ZZZ3: variants seen among roughly 807,000 people sequenced by gnomAD.
The protein encoded by ZZZ3 is zinc finger ZZ-type containing 3, also known as ZZ-type zinc finger-containing protein 3.
A neutral mutation model predicts 95.2 loss-of-function variants in ZZZ3; 22 were observed. That is an observed-to-expected ratio of 0.23 (90% CI 0.17 to 0.33). ZZZ3 has a LOEUF of 0.33. ZZZ3 is among the 10% of genes least tolerant of loss of function. The pLI, the probability that ZZZ3 is intolerant of heterozygous loss-of-function variation, is 1.00. For missense variants in ZZZ3, 885 were observed against 1,066.5 expected (o/e 0.83, Z 2.37); for synonymous variants, 335 against 358.9 (o/e 0.93, Z 0.75).
chr1:77,596,356 A>G (rs1367252238), intron 5 of ZZZ3, among the ~76,000 whole-genome samples: 1 of 152,122 alleles, frequency 6.6e-6, no homozygotes, highest in Non-Finnish European at 1.5e-5. Context: ...TAGAAGTTCA[A>G]TGGGGTTGGA....
At chr1:77,657,193 A>T (rs868347436) in intron 1 of ZZZ3, among the ~76,000 whole-genome samples, 14 of 152,148 alleles carry the variant, frequency 9.2e-5, no homozygotes, top group South Asian at 8.3e-4. Flanking sequence ...TGTTGGCCAG[A>T]CTGGTTTCTA....
chr1:77,663,144 T>C (rs1310978457), intron 1 of ZZZ3, among the ~76,000 whole-genome samples: 1 of 151,932 alleles, frequency 6.6e-6, no homozygotes, highest in Non-Finnish European at 1.5e-5. Context: ...GACTAACTGT[T>C]CCAGATTAAA....
chr1:77,617,898 T>C (rs559850140), intron 5 of ZZZ3, among the ~76,000 whole-genome samples: 38 of 152,050 alleles, frequency 2.5e-4, no homozygotes, highest in African/African-American at 8.7e-4. Flanking sequence ...TGAAACAAGA[T>C]TGCACCACTG....
At chr1:77,600,187 C>T (rs1301533379) in intron 5 of ZZZ3, among the ~76,000 whole-genome samples, 5 of 151,866 alleles carry the variant, frequency 3.3e-5, no homozygotes, top group Non-Finnish European at 7.4e-5. Flanking sequence ...GTTTATTTGG[C>T]TTAAAACTGT....
chr1:77,588,703 T>C (rs1319208157), intron 5 of ZZZ3, among the ~76,000 whole-genome samples: 1 of 151,390 alleles, frequency 6.6e-6, no homozygotes, highest in Admixed American at 6.6e-5. Context: ...AGCAAGAGAA[T>C]AGAATAACTC....
At chr1:77,566,964 A>G (rs1324506343) in intron 13 of ZZZ3, among the ~76,000 whole-genome samples, 1 of 152,204 alleles carries the variant, frequency 6.6e-6, no homozygotes, top group Non-Finnish European at 1.5e-5. Flanking sequence ...AAGTGAAGCA[A>G]GTTTTTCTGA....
At chr1:77,681,899 CAAA>C (rs61661880) in intron 1 of ZZZ3, among the ~76,000 whole-genome samples, 4 of 94,736 alleles carry the variant, frequency 4.2e-5, no homozygotes, top group Admixed American at 1.2e-4. Context: ...GACTCCGTCT[CAAA>C]AAAAAAAAAA....
At chr1:77,629,584 C>T (rs917898916) in intron 5 of ZZZ3, among the ~76,000 whole-genome samples, 1 of 152,136 alleles carries the variant, frequency 6.6e-6, no homozygotes. Flanking sequence ...CACGACTGTG[C>T]CACTGCACTC....
At chr1:77,662,016 T>C (rs1186944239) in intron 1 of ZZZ3, among the ~76,000 whole-genome samples, 2 of 148,544 alleles carry the variant, frequency 1.3e-5, no homozygotes, top group African/African-American at 5.0e-5. Flanking sequence ...TTCTGTACCA[T>C]TGTTTTTGTT....
intron 5 of ZZZ3, among the ~76,000 whole-genome samples, chr1:77,629,975 C>T (rs1229786311): frequency 3.9e-5 from 6 of 152,006 alleles, no homozygotes; most frequent in Non-Finnish European, 7.4e-5. Context: ...TATTATCGGG[C>T]AATCTCTTAC....
chr1:77,644,669 A>G (rs1669096614), intron 1 of ZZZ3, among the ~76,000 whole-genome samples: 1 of 152,220 alleles, frequency 6.6e-6, no homozygotes, highest in Non-Finnish European at 1.5e-5. Context: ...AATGAAACAC[A>G]TAATACCTGC....
chr1:77,594,677 A>T (rs949547145), intron 5 of ZZZ3, among the ~76,000 whole-genome samples: 4 of 151,996 alleles, frequency 2.6e-5, no homozygotes, highest in African/African-American at 9.7e-5. Context: ...ACAAGCCTCA[A>T]TTCTTTTCAA....
chr1:77,641,740 C>T (rs567800912), intron 1 of ZZZ3, 85 bp from the exon 2 acceptor site: 50 of 392,488 alleles, frequency 1.3e-4, no homozygotes, highest in Non-Finnish European at 1.9e-4. Context: ...TTTCCAAACA[C>T]TTATATAGCA....
At chr1:77,570,471 C>T (rs1414549949) in intron 12 of ZZZ3, among the ~76,000 whole-genome samples, 1 of 152,022 alleles carries the variant, frequency 6.6e-6, no homozygotes. Context: ...TCTACAATCG[C>T]TTTCAAATCG....
At position 77,632,993 on chromosome 1, in the gene ZZZ3, C is replaced by T. The variant is rs139215601; in HGVS notation, c.362G>A (p.Arg121His). ...PVSPVLKRIKRCLRSEAPNSS... is the reference protein window; with the variant it reads ...PVSPVLKRIKHCLRSEAPNSS... ...GTTTGGTGCTTCAGATCTAAGACAA[C>T]GCTTAATTCTTTTTAAAACTGGTGA... Residue 121 changes from arginine (R) to histidine (H), a missense_variant, in exon 5 of 15, where the codon CGT becomes CAT. This residue lies in a region of ZZZ3 where 556 missense variants were observed against 652.9 expected (regional missense o/e 0.85). Transcript: ENST00000370801. 99 of 1,613,906 alleles carry T rather than the reference C, an allele frequency of 6.1e-5. No individual in the cohort carries two copies. The highest frequency in any genetic ancestry group is 8.0e-5 in the African/African-American group (6 of 74,922).
intron 9 of ZZZ3, chr1:77,580,744 C>T (rs1010619722): frequency 3.4e-6 from 1 of 297,636 alleles, no homozygotes; most frequent in Non-Finnish European, 6.4e-6. Flanking sequence ...ATTCTCCTGC[C>T]TCAGCCTCCC....
At chr1:77,643,048 C>CA (rs915650556) in intron 1 of ZZZ3, among the ~76,000 whole-genome samples, 2 of 151,362 alleles carry the variant, frequency 1.3e-5, no homozygotes, top group African/African-American at 2.4e-5. Flanking sequence ...CTCATCTGTA[C>CA]AAAAAAATAG....
chr1:77,679,771 T>C (rs978608979), intron 1 of ZZZ3, among the ~76,000 whole-genome samples: 6 of 152,220 alleles, frequency 3.9e-5, no homozygotes, highest in African/African-American at 1.4e-4. Context: ...AAATTAAATT[T>C]CTTGGTTATT....
intron 1 of ZZZ3, among the ~76,000 whole-genome samples, chr1:77,668,345 A>G (rs1671436830): frequency 6.6e-6 from 1 of 152,138 alleles, no homozygotes; most frequent in Non-Finnish European, 1.5e-5. Flanking sequence ...TTTGATTCCC[A>G]TCATTTCAAT....
Sources: gnomAD v4.1 joint callset for allele counts (sites outside exome capture counted in the v4.1 genomes callset) on GRCh38, gnomAD v4.1.1 for gene constraint, gnomAD v4.1.1 regional missense constraint, MANE v1.5 for transcripts, NCBI Gene and HGNC (gene_info 2026-07-23, HGNC 2026-07-21) for gene names.